Variants in METTL15 observed in about 807,000 individuals in gnomAD.
METTL15 encodes the protein 12S rRNA N(4)-cytidine methyltransferase METTL15.
Under a neutral mutation model 38.3 loss-of-function variants are expected in METTL15, and 34 were observed. The ratio of observed to expected loss-of-function variants is 0.89; its 90% confidence interval spans 0.68 to 1.18. The LOEUF (loss-of-function observed/expected upper bound fraction) is 1.18. METTL15 is among the 50% of genes most tolerant of loss of function. METTL15 has a pLI of 0.00. For missense variants in METTL15, 438 were observed against 498.4 expected (o/e 0.88, Z 1.15); for synonymous variants, 162 against 170.9 (o/e 0.95, Z 0.41).
At chr11:28,498,294 G>A (rs1294386591) in intron 6 of METTL15, among the ~76,000 whole-genome samples, 1 of 151,932 alleles carries the variant, frequency 6.6e-6, no homozygotes, top group Non-Finnish European at 1.5e-5. Flanking sequence ...GAGTAGCTGG[G>A]ACTATAGGCG....
chr11:28,207,876 G>C (rs961632551), intron 3 of METTL15, among the ~76,000 whole-genome samples: 8 of 152,064 alleles, frequency 5.3e-5, no homozygotes, highest in Non-Finnish European at 1.2e-4. Context: ...ATTTCTTCTA[G>C]GTTTTCTAGT....
rs571606101 is a variant in METTL15, at chr11:28,384,865, G to A, written c.*358+22829G>A. 9.2e-5 allele frequency among the ~76,000 whole-genome samples: 14 copies of A among 152,162 alleles called. 1 individual carries two copies. The South Asian group carries it at 2.9e-3, about 32-fold the overall frequency. ...GGGTGAGAGATGTTATGTCATTGTG[G>A]TTTAGATTTGCATTTCTCTAATGAT... On this transcript the variant is annotated intron_variant and NMD_transcript_variant, in intron 5 of 7. Coordinates refer to the METTL15 transcript ENST00000532947.
At chr11:28,405,965 CTG>C (rs1850670192) in intron 5 of METTL15, among the ~76,000 whole-genome samples, 1 of 152,060 alleles carries the variant, frequency 6.6e-6, no homozygotes, top group Admixed American at 6.6e-5. Flanking sequence ...CCATTGGACT[CTG>C]TGTCTGTTTT....
At chr11:28,403,372 T>C (rs1850646625) in intron 5 of METTL15, among the ~76,000 whole-genome samples, 1 of 152,044 alleles carries the variant, frequency 6.6e-6, no homozygotes, top group Admixed American at 6.6e-5. Flanking sequence ...AACTTGTTAG[T>C]AATGACCTCA....
At chr11:28,207,280 C>G (rs980988480) in intron 3 of METTL15, among the ~76,000 whole-genome samples, 2 of 151,872 alleles carry the variant, frequency 1.3e-5, no homozygotes, top group Admixed American at 6.6e-5. Flanking sequence ...TGAGATACGT[C>G]CCATCAATAC....
intron 6 of METTL15, among the ~76,000 whole-genome samples, chr11:28,508,372 A>T (rs1021299639): frequency 1.3e-5 from 2 of 152,202 alleles, no homozygotes; most frequent in Non-Finnish European, 2.9e-5. Flanking sequence ...AATACTTTTC[A>T]GTAGGTTAAT....
chr11:28,418,902 A>C (rs1375966375), intron 5 of METTL15, among the ~76,000 whole-genome samples: 1 of 152,176 alleles, frequency 6.6e-6, no homozygotes, highest in Non-Finnish European at 1.5e-5. Flanking sequence ...CACCCATCCC[A>C]GTGGTCAGAA....
chr11:28,441,517 T>G (rs1356877639), intron 6 of METTL15, among the ~76,000 whole-genome samples: 4 of 152,334 alleles, frequency 2.6e-5, no homozygotes, highest in Non-Finnish European at 2.9e-5. Context: ...TACTGTCACC[T>G]TAAACTCATC....
chr11:28,208,537 G>T (rs1852470973), intron 3 of METTL15, among the ~76,000 whole-genome samples: 2 of 152,142 alleles, frequency 1.3e-5, no homozygotes, highest in South Asian at 2.1e-4. Flanking sequence ...CAAGTATGTG[G>T]TCAATTTTGG....
At chr11:28,189,540 G>C (rs913334282) in intron 3 of METTL15, among the ~76,000 whole-genome samples, 9 of 151,166 alleles carry the variant, frequency 6.0e-5, no homozygotes, top group African/African-American at 2.2e-4. Context: ...TTTGACAAAT[G>C]TGAACAAATC....
chr11:28,415,357 AG>A (rs1209192350), intron 5 of METTL15, among the ~76,000 whole-genome samples: 2 of 152,342 alleles, frequency 1.3e-5, no homozygotes, highest in East Asian at 3.9e-4. Context: ...ATAAAAGAAA[AG>A]GTATCTGAGA....
intron 6 of METTL15, among the ~76,000 whole-genome samples, chr11:28,471,590 C>G (rs909794676): frequency 6.6e-6 from 1 of 152,086 alleles, no homozygotes; most frequent in Non-Finnish European, 1.5e-5. Context: ...GGCCTTCCAG[C>G]TCCCCCATCA....
At chr11:28,217,557 G>A (rs1852951482) in intron 4 of METTL15, among the ~76,000 whole-genome samples, 1 of 152,054 alleles carries the variant, frequency 6.6e-6, no homozygotes, top group Admixed American at 6.5e-5. Context: ...AAGCTCTTTA[G>A]TTTAATTAGA....
At chr11:28,498,287 T>C (rs1028721606) in intron 6 of METTL15, among the ~76,000 whole-genome samples, 1 of 151,818 alleles carries the variant, frequency 6.6e-6, no homozygotes, top group African/African-American at 2.4e-5. Context: ...GCCTCCGGAG[T>C]AGCTGGGACT....
chr11:28,122,284 T>A (rs1036802300), intron 3 of METTL15: 5 of 796,734 alleles, frequency 6.3e-6, no homozygotes, highest in Non-Finnish European at 8.5e-6. Flanking sequence ...GATGCAGAAA[T>A]TAGTTTTCTT....
chr11:28,443,116 C>G (rs1224020082), intron 6 of METTL15, among the ~76,000 whole-genome samples: 2 of 152,292 alleles, frequency 1.3e-5, no homozygotes, highest in Admixed American at 1.3e-4. Context: ...CTGCCTTTCT[C>G]ACTCTAGGCA....
At chr11:28,193,870 CTT>C (rs1300618453) in intron 3 of METTL15, among the ~76,000 whole-genome samples, 2 of 152,092 alleles carry the variant, frequency 1.3e-5, no homozygotes, top group Non-Finnish European at 2.9e-5. Flanking sequence ...AGTCCAGACT[CTT>C]TAGTTTGACA....
intron 4 of METTL15, among the ~76,000 whole-genome samples, chr11:28,232,692 A>G (rs1853736132): frequency 6.6e-6 from 1 of 151,950 alleles, no homozygotes; most frequent in Non-Finnish European, 1.5e-5. Context: ...CTATACTAAA[A>G]TTTTGCAATG....
intron 3 of METTL15, among the ~76,000 whole-genome samples, chr11:28,128,903 A>G (rs1057102642): frequency 1.4e-4 from 22 of 152,206 alleles, no homozygotes; most frequent in Non-Finnish European, 4.4e-5. Context: ...TAAATTCACT[A>G]TACTGTATAA....
Sources: allele counts gnomAD v4.1 joint callset (sites outside exome capture counted in the v4.1 genomes callset), GRCh38; gene constraint gnomAD v4.1.1; transcripts MANE v1.5; gene names NCBI Gene and HGNC (gene_info 2026-07-23, HGNC 2026-07-21).